Variants in ESR1 observed in about 807,000 individuals in gnomAD.
ESR1 encodes the protein estrogen receptor 1.
Under a neutral mutation model 52.7 loss-of-function variants are expected in ESR1, and 12 were observed. The ratio of observed to expected loss-of-function variants is 0.23; its 90% confidence interval spans 0.15 to 0.37. The LOEUF (loss-of-function observed/expected upper bound fraction) is 0.37. Among genes scored for constraint, ESR1 ranks in the 10% least tolerant of loss-of-function variants. ESR1 has a pLI of 1.00. For synonymous variants in ESR1, 305 were observed against 316.8 expected, an observed-to-expected ratio of 0.96 and a Z score of 0.39; for missense variants, 584 against 779.7, an observed-to-expected ratio of 0.75 and a Z score of 2.99.
At chr6:151,885,131 A>AT (rs1214585784) in intron 3 of ESR1, among the ~76,000 whole-genome samples, 3 of 152,208 alleles carry the variant, frequency 2.0e-5, no homozygotes, top group African/African-American at 4.8e-5. Flanking sequence ...GATTCAATTC[A>AT]TTTAAATAGT....
intron 2 of ESR1, among the ~76,000 whole-genome samples, chr6:151,741,826 C>G (rs1405699473): frequency 6.6e-6 from 1 of 152,124 alleles, no homozygotes; most frequent in Non-Finnish European, 1.5e-5. Flanking sequence ...ATGCGGAATA[C>G]AGTACAATAT....
intron 3 of ESR1, among the ~76,000 whole-genome samples, chr6:151,932,855 A>G (rs1433175873): frequency 1.4e-5 from 2 of 145,416 alleles, no homozygotes; most frequent in Admixed American, 6.9e-5. Flanking sequence ...TGGTTACTGT[A>G]GCCTTGTAGT....
At chr6:151,696,148 T>C (rs563805324) in intron 1 of ESR1, among the ~76,000 whole-genome samples, 1 of 152,244 alleles carries the variant, frequency 6.6e-6, no homozygotes, top group East Asian at 1.9e-4. Flanking sequence ...TTATGGCTTG[T>C]CCTAGAGTCT....
intron 1 of ESR1, among the ~76,000 whole-genome samples, chr6:151,700,080 A>G: frequency 6.6e-6 from 1 of 151,570 alleles, no homozygotes. Flanking sequence ...GACAAGTGAA[A>G]AAAAAAAAAA....
In ESR1 at chr6:151,808,212, C is replaced by G; in HGVS notation, c.300C>G (p.Leu100=). The change falls in exon 1 of 8, where the codon CTC becomes CTG. Residue 100 remains leucine, a synonymous_variant. Transcript: ENST00000206249. ...ACGGCCTGGGGGGTTTCCCCCCACT[C>G]AACAGCGTGTCTCCGAGCCCGCTGA... ...GSNGLGGFPP[L]NSVSPSPLML... The G allele has an allele frequency of 6.4e-7, 1 of 1,572,892 alleles. No homozygotes were observed.
intron 3 of ESR1, among the ~76,000 whole-genome samples, chr6:151,937,908 A>G (rs2034560592): frequency 6.6e-6 from 1 of 152,162 alleles, no homozygotes; most frequent in Non-Finnish European, 1.5e-5. Flanking sequence ...ATTGGGGACA[A>G]TGACAGTACT....
intron 5 of ESR1, among the ~76,000 whole-genome samples, chr6:152,014,085 G>A (rs564767477): frequency 4.6e-5 from 7 of 152,102 alleles, no homozygotes; most frequent in Non-Finnish European, 8.8e-5. Flanking sequence ...CCCTGCACAC[G>A]CTCTCTCTCT....
In ESR1 at chr6:151,912,896, G is replaced by A. The variant is rs553419017; in HGVS notation, c.761-31277G>A. Among the ~76,000 whole-genome samples, 5 of 152,070 alleles carry A rather than the reference G, an allele frequency of 3.3e-5. No individual in the cohort carries two copies. In the East Asian group the frequency reaches 9.7e-4, roughly 30 times the overall value. On this transcript the variant is annotated intron_variant, in intron 3 of 7. Coordinates refer to ENST00000206249, the MANE Select transcript of ESR1 (RefSeq NM_000125.4). ...AGAACACATGGACACAGGGAGTGGA[G>A]CATCACACAACGGGGCCTGTCGGGA... is the stretch of plus-strand genomic sequence containing the variant.
At chr6:151,822,561 G>T (rs1780739231) in intron 1 of ESR1, among the ~76,000 whole-genome samples, 1 of 152,144 alleles carries the variant, frequency 6.6e-6, no homozygotes. Context: ...TTCTCCTTGG[G>T]AGATGATCAT....
At chr6:151,953,790 T>A (rs1420063786) in intron 4 of ESR1, among the ~76,000 whole-genome samples, 4 of 152,128 alleles carry the variant, frequency 2.6e-5, no homozygotes, top group Admixed American at 1.3e-4. Flanking sequence ...AATTCACCTA[T>A]TTCCTATATA....
intron 5 of ESR1, among the ~76,000 whole-genome samples, chr6:152,046,295 A>G (rs1362921977): frequency 6.6e-6 from 1 of 152,204 alleles, no homozygotes; most frequent in Admixed American, 6.5e-5. Flanking sequence ...TTATTAATAG[A>G]GTAGGGTCAG....
At chr6:151,935,673 G>C (rs906665146) in intron 3 of ESR1, among the ~76,000 whole-genome samples, 2 of 152,224 alleles carry the variant, frequency 1.3e-5, no homozygotes, top group African/African-American at 2.4e-5. Flanking sequence ...CGGCAGCTAA[G>C]ATGCTGGGAA....
Position 152,048,265 on chromosome 6 carries a change from G to A in ESR1, c.1236-12726G>A, listed in dbSNP as rs553614579. 2.0e-5 allele frequency among the ~76,000 whole-genome samples: 3 copies of A among 151,072 alleles called. No homozygotes were observed. In the South Asian group the frequency reaches 6.3e-4, roughly 32 times the overall value. ...CATGTGCCTGAAGTCCCAGTTACTC[G>A]GGAGGCTGAGGCAGGGGAATTGCTT... On this transcript the variant is annotated intron_variant, in intron 5 of 7. Coordinates refer to ENST00000206249, the MANE Select transcript of ESR1 (RefSeq NM_000125.4).
At chr6:152,001,856 G>T (rs896177351) in intron 4 of ESR1, among the ~76,000 whole-genome samples, 1 of 151,998 alleles carries the variant, frequency 6.6e-6, no homozygotes, top group Non-Finnish European at 1.5e-5. Flanking sequence ...ACTATAGAAA[G>T]ACTGGAGGGA....
chr6:152,072,554 T>C (rs529871007), intron 6 of ESR1, among the ~76,000 whole-genome samples: 3 of 152,214 alleles, frequency 2.0e-5, no homozygotes, highest in Non-Finnish European at 4.4e-5. Context: ...GCTATCACTC[T>C]AGCTGTGCCT....
exon 7 of ESR1, chr6:152,125,401 T>C (rs1291167186): frequency 6.6e-7 from 1 of 1,526,700 alleles, no homozygotes; most frequent in African/African-American, 1.4e-5. Flanking sequence ...AATCCGTGTG[T>C]GGACGTGGGG....
intron 1 of ESR1, among the ~76,000 whole-genome samples, chr6:151,679,299 T>C (rs1224818018): frequency 6.6e-6 from 1 of 152,194 alleles, no homozygotes; most frequent in Non-Finnish European, 1.5e-5. Context: ...ACATGTGGCC[T>C]GTTTTCTTCT....
intron 4 of ESR1, among the ~76,000 whole-genome samples, chr6:151,967,763 G>A (rs1487352867): frequency 6.6e-6 from 1 of 152,176 alleles, no homozygotes; most frequent in Non-Finnish European, 1.5e-5. Flanking sequence ...TCACCACGCT[G>A]TCTTCCACAA....
intron 6 of ESR1, among the ~76,000 whole-genome samples, chr6:152,119,750 G>A (rs1350809424): frequency 6.6e-6 from 1 of 152,192 alleles, no homozygotes; most frequent in African/African-American, 2.4e-5. Flanking sequence ...CTTCCATGAA[G>A]CTTTTTCTCT....
Sources: gnomAD v4.1 joint callset for allele counts (sites outside exome capture counted in the v4.1 genomes callset) on GRCh38, gnomAD v4.1.1 for gene constraint, MANE v1.5 for transcripts, NCBI Gene and HGNC (gene_info 2026-07-23, HGNC 2026-07-21) for gene names.